Variants in AXIN1 observed in about 807,000 individuals in gnomAD.
AXIN1 encodes axin-1.
A neutral mutation model predicts 76.4 loss-of-function variants in AXIN1; 30 were observed. The observed-to-expected ratio is 0.39, with a 90% CI of 0.29 to 0.53. The LOEUF (loss-of-function observed/expected upper bound fraction) is 0.53, where lower values mean the gene tolerates loss of function less well. Among genes scored for constraint, AXIN1 ranks in the 20% least tolerant of loss-of-function variants. The pLI is 0.66. For synonymous variants in AXIN1, 545 were observed against 501.4 expected, an observed-to-expected ratio of 1.09 and a Z score of -1.16; for missense variants, 1,140 against 1,198.8, an observed-to-expected ratio of 0.95 and a Z score of 0.72.
chr16:341,749 G>A (rs997715856), intron 2 of AXIN1, among the ~76,000 whole-genome samples: 1 of 152,220 alleles, frequency 6.6e-6, no homozygotes, highest in Non-Finnish European at 1.5e-5. Context: ...TCTAGCTCAG[G>A]GACTGTAAAT....
At chr16:295,458 G>A (rs1005357403) in intron 7 of AXIN1, among the ~76,000 whole-genome samples, 1 of 151,804 alleles carries the variant, frequency 6.6e-6, no homozygotes, top group Admixed American at 6.6e-5. Flanking sequence ...AGAGGCCGGC[G>A]GATAGCTTTG....
chr16:336,816 C>CAAAA (rs57147459), intron 2 of AXIN1, among the ~76,000 whole-genome samples: 13 of 77,070 alleles, frequency 1.7e-4, no homozygotes, highest in African/African-American at 4.7e-4. Flanking sequence ...GACTCCGCCT[C>CAAAA]AAAAAAAAAA....
chr16:287,877 G>T lies in AXIN1; in HGVS notation c.*245C>A. The T allele has an allele frequency of 1.6e-6, 1 of 612,926 alleles. No homozygotes were observed. The highest frequency in any genetic ancestry group is 2.9e-6 in the Non-Finnish European group (1 of 350,494). The allele number at this position is 612,926 out of a possible 1,614,324, so 38.0% of individuals were successfully genotyped here. A position where few individuals can be genotyped will look rare whatever the true frequency, so the allele number is the denominator to read the frequency against. On this transcript the variant is annotated 3_prime_UTR_variant, in exon 11 of 11. Coordinates refer to ENST00000262320, the MANE Select transcript of AXIN1 (RefSeq NM_003502.4). ...AGCAGGGACCTCGGCTGCCTCACTT[G>T]GGCTGGGCCCTCCAAGTATTGCTAT...
intron 2 of AXIN1, among the ~76,000 whole-genome samples, chr16:335,009 C>G (rs181999839): frequency 2.0e-4 from 30 of 152,214 alleles, no homozygotes; most frequent in Admixed American, 1.0e-3. Flanking sequence ...CCAAATGAAC[C>G]AAACGCAACC....
intron 5 of AXIN1, chr16:299,331 G>T (rs7200589): frequency 1.4e-6 from 1 of 736,904 alleles, no homozygotes; most frequent in East Asian, 1.3e-4. Context: ...GAAAGAGAGG[G>T]AACTAAGTTA....
chr16:292,350 T>G (rs1462092968), intron 8 of AXIN1: 1 of 152,286 alleles, frequency 6.6e-6, no homozygotes, highest in Non-Finnish European at 1.5e-5. Context: ...TTGAGGTAAC[T>G]GTGACCCTTT....
Position 346,506 on chromosome 16 carries a change from T to C in AXIN1, c.520A>G (p.Lys174Glu), listed in dbSNP as rs1390614036. 1.2e-6 allele frequency: 2 copies of C among 1,614,206 alleles called. No homozygotes were observed. Among genetic ancestry groups the C allele is most frequent in the East Asian group, 2.2e-5 (1 of 44,880 alleles). Reference protein sequence around the residue: ...TKSFIKGCIMKQLIDPAMFDQ... With the variant: ...TKSFIKGCIMEQLIDPAMFDQ... ...AACATGGCAGGATCGATCAGCTGCT[T>C]CATGATGCAGCCCTTTATGAAGCTC... is the stretch of plus-strand genomic sequence containing the variant. Residue 174 changes from lysine to glutamate, a missense_variant, in exon 2 of 11, where the codon AAG becomes GAG. Transcript: ENST00000262320.
intron 4 of AXIN1, among the ~76,000 whole-genome samples, chr16:307,799 G>A (rs1462593897): frequency 2.0e-5 from 3 of 152,228 alleles, no homozygotes; most frequent in Admixed American, 6.5e-5. Flanking sequence ...GAAGTGGGCA[G>A]TGCAACCACG....
chr16:329,454 C>T (rs925868684), intron 2 of AXIN1, among the ~76,000 whole-genome samples: 1 of 151,656 alleles, frequency 6.6e-6, no homozygotes, highest in Admixed American at 6.6e-5. Context: ...TCTTTCTTTT[C>T]TTTTTTTTGG....
chr16:311,901 G>A (rs971617168), intron 3 of AXIN1, among the ~76,000 whole-genome samples: 1 of 152,222 alleles, frequency 6.6e-6, no homozygotes, highest in Non-Finnish European at 1.5e-5. Context: ...GCCCGACCCA[G>A]GGCTGCGTGG....
chr16:308,773 G>C (rs6600211), intron 4 of AXIN1, among the ~76,000 whole-genome samples: 1 of 151,992 alleles, frequency 6.6e-6, no homozygotes, highest in Non-Finnish European at 1.5e-5. Context: ...ACAGCCTACA[G>C]TGTCAGCCAC....
rs2054167760 is a variant in AXIN1, at chr16:352,487, G to A, written c.-200C>T. ...ACCCGGCGGGGGCGCGGCCCGGGGC[G>A]GCCCCCATCTCGGCGGCTGCGGCTC... On this transcript the variant is annotated 5_prime_UTR_variant, in exon 1 of 11. Transcript: ENST00000262320. 2.2e-6 allele frequency: 2 copies of A among 915,150 alleles called. No individual in the cohort carries two copies. The highest frequency in any genetic ancestry group is 3.6e-5 in the African/African-American group (2 of 55,292). 56.7% of individuals were successfully genotyped at this position (915,150 alleles called of 1,614,324 possible).
chr16:291,213 C>G lies in AXIN1; in HGVS notation c.2271G>C (p.Ser757=). ...ACTCTGTCTCGGAGAGCTCCATGTC[C>G]GACACGGCTGGTACCACGTGCAGCA... ...APVLHVVPAV[S]DMELSETETR... The change falls in exon 9 of 11, where the codon TCG becomes TCC. Residue 757 remains serine (S), a synonymous_variant. Transcript: ENST00000262320. The G allele has an allele frequency of 6.3e-7, 1 of 1,588,422 alleles. No individual in the cohort carries two copies. Among genetic ancestry groups the G allele is most frequent in the African/African-American group, 1.3e-5 (1 of 74,868 alleles).
chr16:351,538 A>G (rs2054142685), intron 1 of AXIN1, among the ~76,000 whole-genome samples: 1 of 151,576 alleles, frequency 6.6e-6, no homozygotes. Flanking sequence ...TGAACCCGGG[A>G]GGCGGAGGTT....
chr16:295,373 G>A (rs553385879), intron 7 of AXIN1, among the ~76,000 whole-genome samples: 1 of 151,850 alleles, frequency 6.6e-6, no homozygotes, highest in Non-Finnish European at 1.5e-5. Flanking sequence ...GCCTCCCAAA[G>A]TGCTGGGATG....
intron 2 of AXIN1, among the ~76,000 whole-genome samples, chr16:317,177 G>T (rs1285349473): frequency 6.6e-6 from 1 of 152,154 alleles, no homozygotes; most frequent in Non-Finnish European, 1.5e-5. Context: ...ATGGGAGGGG[G>T]GCAGGCAGCC....
intron 1 of AXIN1, among the ~76,000 whole-genome samples, chr16:348,626 C>A (rs1249414756): frequency 2.0e-5 from 3 of 152,022 alleles, no homozygotes; most frequent in African/African-American, 7.2e-5. Context: ...ATAGTGAGAC[C>A]CAATCTCTAC....
At chr16:308,214 G>A (rs946625667) in intron 4 of AXIN1, among the ~76,000 whole-genome samples, 1 of 152,172 alleles carries the variant, frequency 6.6e-6, no homozygotes, top group East Asian at 1.9e-4. Flanking sequence ...GGACCTGAGG[G>A]CTCTGTGCTT....
At chr16:304,269 C>T (rs201996733) in intron 5 of AXIN1, 35 bp downstream of exon 5, 29 of 1,601,980 alleles carry the variant, frequency 1.8e-5, no homozygotes, top group Admixed American at 1.3e-4. Context: ...AGCACGACAC[C>T]GACGCGGAGC....
Sources: gnomAD v4.1 joint callset for allele counts (sites outside exome capture counted in the v4.1 genomes callset) on GRCh38, gnomAD v4.1.1 for gene constraint, MANE v1.5 for transcripts, NCBI Gene and HGNC (gene_info 2026-07-23, HGNC 2026-07-21) for gene names.